The following BTBD9 variants were observed in gnomAD, a reference collection of about 807,000 sequenced individuals.
BTBD9 encodes BTB domain containing 9.
In BTBD9, 49 loss-of-function variants were observed where a neutral mutation model predicts 64.3. That is an observed-to-expected ratio of 0.76 (90% CI 0.61 to 0.97). BTBD9 has a LOEUF of 0.97. Among genes scored for constraint, BTBD9 ranks in the 50% least tolerant of loss-of-function variants. The pLI, the probability that BTBD9 is intolerant of heterozygous loss-of-function variation, is 0.00. For synonymous variants in BTBD9, 260 were observed against 274.7 expected (o/e 0.95, Z 0.53); for missense variants, 598 against 762.1 (o/e 0.78, Z 2.53).
chr6:38,318,722 C>A (rs1315264329), intron 7 of BTBD9, among the ~76,000 whole-genome samples: 1 of 152,192 alleles, frequency 6.6e-6, no homozygotes, highest in African/African-American at 2.4e-5. Context: ...GACCTGAGGC[C>A]AACACAGCAC....
intron 6 of BTBD9, among the ~76,000 whole-genome samples, chr6:38,488,774 T>A (rs763796043): frequency 6.6e-6 from 1 of 152,196 alleles, no homozygotes; most frequent in Non-Finnish European, 1.5e-5. Flanking sequence ...ACACATTCAT[T>A]ATAGAATTTT....
At chr6:38,354,346 C>T (rs566902669) in intron 6 of BTBD9, among the ~76,000 whole-genome samples, 1 of 152,198 alleles carries the variant, frequency 6.6e-6, no homozygotes, top group East Asian at 1.9e-4. Flanking sequence ...CATGGAAAAC[C>T]CATACTCCGT....
Position 38,208,981 on chromosome 6 carries a change from G to A in BTBD9, c.1563-16384C>T, listed in dbSNP as rs1048274017. ...CACTAAGATCAAAAGTCGCACATGG[G>A]AGCCTCACAGACATACCTTGCTGGT... On this transcript the variant is annotated intron_variant, in intron 9 of 10. Coordinates refer to ENST00000481247, the MANE Select transcript of BTBD9 (RefSeq NM_001099272.2). Among the ~76,000 whole-genome samples, 5 of 152,202 alleles carry A rather than the reference G, an allele frequency of 3.3e-5. No homozygotes were observed. The East Asian group carries it at 9.6e-4, about 29-fold the overall frequency.
chr6:38,228,351 C>CCACAAA (rs566108714), intron 9 of BTBD9, among the ~76,000 whole-genome samples: 1 of 28,322 alleles, frequency 3.5e-5, no homozygotes, highest in Non-Finnish European at 6.6e-5. Flanking sequence ...TCCCCCCCCC[C>CCACAAA]AAAAAAAAAA....
intron 6 of BTBD9, among the ~76,000 whole-genome samples, chr6:38,477,680 C>T (rs1241290795): frequency 2.0e-5 from 3 of 152,114 alleles, no homozygotes; most frequent in African/African-American, 4.8e-5. Context: ...TTAATGCTAT[C>T]AGGGAATAGG....
chr6:38,248,173 T>TA (rs1235523808), intron 9 of BTBD9, among the ~76,000 whole-genome samples: 3 of 152,184 alleles, frequency 2.0e-5, no homozygotes, highest in South Asian at 2.1e-4. Context: ...CTTAAGTTAT[T>TA]AAAAAAACTC....
intron 8 of BTBD9, among the ~76,000 whole-genome samples, chr6:38,277,791 T>C (rs149484154): frequency 7.9e-4 from 121 of 152,336 alleles, no homozygotes; most frequent in African/African-American, 2.7e-3. Flanking sequence ...GTGAATTATA[T>C]GGCATGTGAA....
chr6:38,524,077 G>C (rs973338154), intron 6 of BTBD9, among the ~76,000 whole-genome samples: 2 of 152,148 alleles, frequency 1.3e-5, no homozygotes, highest in Admixed American at 6.5e-5. Context: ...TTAGACAGCA[G>C]AGGGTGAACT....
chr6:38,469,822 A>C (rs1331107427), intron 6 of BTBD9, among the ~76,000 whole-genome samples: 1 of 152,126 alleles, frequency 6.6e-6, no homozygotes, highest in East Asian at 1.9e-4. Context: ...CCTTTCAATA[A>C]ACTCTCACAC....
chr6:38,284,103 AAC>A (rs1761624682), intron 8 of BTBD9, among the ~76,000 whole-genome samples: 1 of 152,156 alleles, frequency 6.6e-6, no homozygotes, highest in African/African-American at 2.4e-5. Context: ...AGTTCCTGAC[AAC>A]ATAATGTTAG....
In BTBD9 at chr6:38,485,402, T is replaced by C. The variant is rs536435582; in HGVS notation, c.1154+92198A>G. 3.9e-5 allele frequency among the ~76,000 whole-genome samples: 6 copies of C among 152,322 alleles called. No individual in the cohort carries two copies. In the East Asian group the frequency reaches 1.2e-3, roughly 29 times the overall value. On this transcript the variant is annotated intron_variant, in intron 6 of 10. Coordinates refer to ENST00000481247, the MANE Select transcript of BTBD9 (RefSeq NM_001099272.2). ...CATCAAAGGAATCACTATCTATAGCTATAAGCTATAGCCTTACAAAATGTA... is the reference window on the plus strand; with the variant it reads ...CATCAAAGGAATCACTATCTATAGCCATAAGCTATAGCCTTACAAAATGTA...
intron 4 of BTBD9, among the ~76,000 whole-genome samples, chr6:38,584,433 G>A (rs1050738996): frequency 7.9e-5 from 12 of 152,206 alleles, no homozygotes; most frequent in African/African-American, 2.9e-4. Flanking sequence ...CAGCTAGGTA[G>A]AGATTGCTAA....
chr6:38,617,710 G>A (rs1214895555), intron 1 of BTBD9, among the ~76,000 whole-genome samples: 4 of 152,092 alleles, frequency 2.6e-5, no homozygotes, highest in Admixed American at 6.5e-5. Context: ...GAGAAGTGAG[G>A]ACAAAAGACG....
At chr6:38,276,654 C>T (rs1761269472) in intron 8 of BTBD9, among the ~76,000 whole-genome samples, 1 of 152,162 alleles carries the variant, frequency 6.6e-6, no homozygotes, top group South Asian at 2.1e-4. Context: ...CAGGAATACT[C>T]ATTATACTCC....
At chr6:38,377,974 AAAATC>A (rs1259886403) in intron 6 of BTBD9, among the ~76,000 whole-genome samples, 1 of 152,166 alleles carries the variant, frequency 6.6e-6, no homozygotes, top group Non-Finnish European at 1.5e-5. Flanking sequence ...TAGTTCAGCT[AAAATC>A]CTGCTCTACT....
At chr6:38,595,322 A>T (rs929130711) in intron 2 of BTBD9, among the ~76,000 whole-genome samples, 3 of 152,200 alleles carry the variant, frequency 2.0e-5, no homozygotes, top group Admixed American at 6.5e-5. Flanking sequence ...TTAAAAATGA[A>T]ATTACTGATA....
chr6:38,312,517 T>C (rs1409501895), intron 7 of BTBD9, among the ~76,000 whole-genome samples: 1 of 152,248 alleles, frequency 6.6e-6, no homozygotes, highest in Non-Finnish European at 1.5e-5. Context: ...ATGTTTTCTT[T>C]TACTAGCTTT....
chr6:38,283,445 C>T (rs1261530692), intron 8 of BTBD9, among the ~76,000 whole-genome samples: 2 of 152,078 alleles, frequency 1.3e-5, no homozygotes, highest in African/African-American at 2.4e-5. Context: ...CCCAGGAGTT[C>T]GAGACCAGCC....
intron 7 of BTBD9, among the ~76,000 whole-genome samples, chr6:38,316,429 T>C (rs1160319206): frequency 1.3e-5 from 2 of 152,208 alleles, no homozygotes; most frequent in Non-Finnish European, 2.9e-5. Flanking sequence ...TGCTATGTTT[T>C]AATTTCTTGC....
Sources: gnomAD v4.1 joint callset for allele counts (sites outside exome capture counted in the v4.1 genomes callset) on GRCh38, gnomAD v4.1.1 for gene constraint, MANE v1.5 for transcripts, NCBI Gene and HGNC (gene_info 2026-07-23, HGNC 2026-07-21) for gene names.